Variants in MEFV observed in about 807,000 individuals in gnomAD.
MEFV encodes MEFV innate immunity regulator, pyrin.
Under a neutral mutation model 62.5 loss-of-function variants are expected in MEFV, and 60 were observed. That is an observed-to-expected ratio of 0.96 (90% CI 0.78 to 1.19). The LOEUF is 1.19. MEFV is among the 50% of genes most tolerant of loss of function. MEFV has a pLI of 0.00. For synonymous variants in MEFV, 500 were observed against 415.2 expected, an observed-to-expected ratio of 1.20 and a Z score of -2.48; for missense variants, 1,169 against 1,004.5, an observed-to-expected ratio of 1.16 and a Z score of -2.21.
rs202174893 is a variant in MEFV at position 3,243,370 on chromosome 16, G to A, written c.2117C>T (p.Pro706Leu). ...AGGCTCCTTTATTAGCAGGCGGGTC[G>A]GGGGAACGCTGGACGCCTGGTACTC... Reference protein sequence around the residue: ...ENEYQASSVPPTRLLIKEPPK... With the variant: ...ENEYQASSVPLTRLLIKEPPK... The change falls in exon 10 of 10, where the codon CCG becomes CTG. Residue 706 changes from proline (P) to leucine (L), a missense_variant. Transcript: ENST00000219596. 16 of 1,614,122 alleles carry A rather than the reference G, an allele frequency of 9.9e-6. No homozygotes were observed. Among genetic ancestry groups the A allele is most frequent in the East Asian group, 6.7e-5 (3 of 44,882 alleles).
intron 6 of MEFV, chr16:3,246,306 C>T: frequency 3.4e-6 from 2 of 596,598 alleles, no homozygotes; most frequent in Non-Finnish European, 5.9e-6. Context: ...TTCACCCTTC[C>T]CAGTCTGCAG....
intron 6 of MEFV, among the ~76,000 whole-genome samples, chr16:3,244,829 G>C (rs1166041537): frequency 6.6e-6 from 1 of 151,958 alleles, no homozygotes; most frequent in Non-Finnish European, 1.5e-5. Context: ...TTTCAGAATG[G>C]ACTTAAAATG....
At chr16:3,252,159 G>A (rs1959044770) in intron 2 of MEFV, 1 of 187,796 alleles carries the variant, frequency 5.3e-6, no homozygotes, top group African/African-American at 2.4e-5. Context: ...AGGTTTTCCA[G>A]ATCCCAGGGT....
chr16:3,249,284 T>G, intron 3 of MEFV, 147 bp downstream of exon 3: 1 of 780,422 alleles, frequency 1.3e-6, no homozygotes, highest in East Asian at 2.7e-5. Context: ...CCCTCTTTGC[T>G]GGACTGGTTT....
At chr16:3,252,041 A>AC (rs1264111363) in intron 2 of MEFV, 7 of 339,834 alleles carry the variant, frequency 2.1e-5, no homozygotes, top group Non-Finnish European at 4.0e-5. Flanking sequence ...ACATAGCAAG[A>AC]CCCCATATCT....
chr16:3,250,171 G>A (rs530513152), intron 2 of MEFV, among the ~76,000 whole-genome samples: 1 of 152,208 alleles, frequency 6.6e-6, no homozygotes, highest in Non-Finnish European at 1.5e-5. Flanking sequence ...GAGGCTTCCA[G>A]GGGATGGTGA....
chr16:3,250,727 A>T (rs1959018715), intron 2 of MEFV, among the ~76,000 whole-genome samples: 1 of 151,248 alleles, frequency 6.6e-6, no homozygotes, highest in South Asian at 2.1e-4. Context: ...GAGATACAAG[A>T]AGAAATAGAA....
intron 8 of MEFV, 98 bp downstream of exon 8, chr16:3,244,153 GGTT>G: frequency 1.3e-6 from 2 of 1,539,980 alleles, no homozygotes; most frequent in Non-Finnish European, 1.7e-6. Flanking sequence ...CCAGGTGTTT[GGTT>G]TTTTTTTTTG....
At chr16:3,246,953 G>A in intron 5 of MEFV, 63 bp downstream of exon 5, 1 of 1,473,272 alleles carries the variant, frequency 6.8e-7, no homozygotes, top group Non-Finnish European at 9.5e-7. Flanking sequence ...TGGCAGAGCT[G>A]GGAGCCTGAG....
intron 2 of MEFV, 60 bp downstream of exon 2, chr16:3,254,098 G>A (rs1959076427): frequency 6.3e-7 from 1 of 1,578,278 alleles, no homozygotes; most frequent in Admixed American, 1.7e-5. Context: ...ATGAGCTATC[G>A]TGCCCGGCCA....
At chr16:3,256,207 C>T in intron 1 of MEFV, 104 bp downstream of exon 1, 1 of 1,366,656 alleles carries the variant, frequency 7.3e-7, no homozygotes, top group South Asian at 1.2e-5. Context: ...ACCTGAGACT[C>T]CCAATCCCCA....
In MEFV at chr16:3,242,616, T is replaced by C. The variant is rs1338970276; in HGVS notation, c.*525A>G. The C allele has an allele frequency of 1.1e-5, 2 of 181,626 alleles. No homozygotes were observed. The highest frequency in any genetic ancestry group is 2.9e-4 in the East Asian group (2 of 6,880). The allele number at this position is 181,626 out of a possible 1,614,324, so 11.3% of individuals were successfully genotyped here. Reference sequence around the variant, plus strand: ...TGAACCTGGGAGGTGGAGGTTGCAGTGAGCTGAGATCGTGCCACTGCACTC... The same window carrying C: ...TGAACCTGGGAGGTGGAGGTTGCAGCGAGCTGAGATCGTGCCACTGCACTC... On this transcript the variant is annotated 3_prime_UTR_variant, in exon 10 of 10. Transcript: ENST00000219596.
At chr16:3,254,836 A>C (rs778899939) in intron 1 of MEFV, 46 bp from the exon 2 acceptor site, 1 of 1,604,560 alleles carries the variant, frequency 6.2e-7, no homozygotes, top group Non-Finnish European at 8.5e-7. Flanking sequence ...TCCCACGTTT[A>C]GGGCCCAAGA....
chr16:3,255,571 AT>A (rs894155986), intron 1 of MEFV, among the ~76,000 whole-genome samples: 1 of 151,448 alleles, frequency 6.6e-6, no homozygotes, highest in Non-Finnish European at 1.5e-5. Context: ...CGCCTGGCTC[AT>A]TTTTTTGTAT....
At chr16:3,252,085 G>A (rs1390378236) in intron 2 of MEFV, 4 of 312,290 alleles carry the variant, frequency 1.3e-5, no homozygotes, top group South Asian at 2.5e-5. Flanking sequence ...AATACAGTAG[G>A]GATAAAAGAA....
At chr16:3,255,558 C>A (rs963739109) in intron 1 of MEFV, among the ~76,000 whole-genome samples, 20 of 151,944 alleles carry the variant, frequency 1.3e-4, no homozygotes, top group Admixed American at 9.2e-4. Flanking sequence ...GTGTGTGCTA[C>A]CACGCCTGGC....
At chr16:3,255,166 ACT>A (rs1238606492) in intron 1 of MEFV, among the ~76,000 whole-genome samples, 1 of 151,836 alleles carries the variant, frequency 6.6e-6, no homozygotes, top group East Asian at 1.9e-4. Flanking sequence ...AAAATAAGAA[ACT>A]CAGCCAGACG....
intron 6 of MEFV, 37 bp from the exon 7 acceptor site, chr16:3,244,625 G>T: frequency 6.5e-7 from 1 of 1,532,030 alleles, no homozygotes. Flanking sequence ...GAAGGCCGGA[G>T]CGAGGGGGTG....
rs2141664491 is a variant in MEFV, at chr16:3,243,218, T to G, written c.2269A>C (p.Ser757Arg). Residue 757 changes from serine (S) to arginine (R), a missense_variant, in exon 10 of 10, where the codon AGC (serine) becomes CGC (arginine). Coordinates refer to ENST00000219596, the MANE Select transcript of MEFV (RefSeq NM_000243.3). Reference sequence around the variant, plus strand: ...TTCCCTCCATCACGTGTCCCAGGGCTGAAGATAGGTTGAAGGGGCCCAGAG... The same window carrying G: ...TTCCCTCCATCACGTGTCCCAGGGCGGAAGATAGGTTGAAGGGGCCCAGAG... ...SFSGPLQPIF[S>R]PGTRDGGKNT... 1 of 1,614,106 alleles carries G rather than the reference T, an allele frequency of 6.2e-7. No homozygotes were observed. Among genetic ancestry groups the G allele is most frequent in the Non-Finnish European group, 8.5e-7 (1 of 1,180,034 alleles).
Sources: gnomAD v4.1 joint callset for allele counts (sites outside exome capture counted in the v4.1 genomes callset) on GRCh38, gnomAD v4.1.1 for gene constraint, MANE v1.5 for transcripts, NCBI Gene and HGNC (gene_info 2026-07-23, HGNC 2026-07-21) for gene names.